Variants in MYO15A observed in about 807,000 individuals in gnomAD.
The protein encoded by MYO15A is myosin XVA.
A neutral mutation model predicts 394.6 loss-of-function variants in MYO15A; 308 were observed. That is an observed-to-expected ratio of 0.78 (90% CI 0.71 to 0.86). The LOEUF (loss-of-function observed/expected upper bound fraction) is 0.86. Ranked by LOEUF, MYO15A falls within the 40% of genes least tolerant of loss-of-function variation. The pLI is 0.00. For synonymous variants in MYO15A, 1,957 were observed against 2,003.8 expected (o/e 0.98, Z 0.62); for missense variants, 4,606 against 4,799.1 (o/e 0.96, Z 1.19).
intron 22 of MYO15A, 146 bp from the exon 23 acceptor site, chr17:18,141,507 C>A (rs2046379930): frequency 1.2e-6 from 1 of 823,730 alleles, no homozygotes; most frequent in African/African-American, 1.7e-5. Context: ...GATGGAGTGC[C>A]TTTTTTCAGA....
In MYO15A at chr17:18,141,660, TG is replaced by T; in HGVS notation, c.5540del (p.Cys1847PhefsTer2). The T allele has an allele frequency of 6.2e-7, 1 of 1,614,008 alleles. No homozygotes were observed. The highest frequency in any genetic ancestry group is 1.1e-5 in the South Asian group (1 of 91,090). ...PFQGFIDRYCCLVALKHDLPA... is the reference protein window; with the variant it reads ...PFQGFIDRYCXLVALKHDLPA... ...CTTTGGGCCCCCTACCAGGTACTGC[TG>T]TCTAGTGGCCCTCAAGCATGACCTG... On this transcript the variant is annotated frameshift_variant, in exon 23 of 66. Transcript: ENST00000647165. LOFTEE classifies it high-confidence loss of function.
At position 18,130,826 on chromosome 17, in the gene MYO15A, G is replaced by T; in HGVS notation, c.4038+16G>T. On this transcript the variant is annotated intron_variant, in intron 8 of 65. Transcript: ENST00000647165. ...GAAGATAAAGGTACTCAGTGTGTGT[G>T]TGTGTGTGTGTGTGTGTGTGTGTGT... The T allele has an allele frequency of 7.8e-7, 1 of 1,278,654 alleles. No homozygotes were observed. 79.2% of individuals were successfully genotyped at this position (1,278,654 alleles called of 1,614,324 possible). A position where few individuals can be genotyped will look rare whatever the true frequency, so the allele number is the denominator to read the frequency against.
rs1158121789 is a variant in MYO15A, at chr17:18,155,186, C to A, written c.8301C>A (p.Asp2767Glu). The A allele has an allele frequency of 6.2e-7, 1 of 1,613,998 alleles. No individual in the cohort carries two copies. Among genetic ancestry groups the A allele is most frequent in the Admixed American group, 1.7e-5 (1 of 60,030 alleles). The change falls in exon 46 of 66, where the codon GAC becomes GAA. Residue 2767 changes from aspartate (D) to glutamate (E), a missense_variant. Physicochemically the swap from Asp to Glu is conservative, Grantham distance 45 (BLOSUM62 2). Transcript: ENST00000647165. ...GGGCCGTGGTCAGCACTGCACGAGA[C>A]ACCTGGGAGGTCTACTTCTCCCGCA... ...VKRAVVSTAR[D>E]TWEVYFSRIF... is the part of the protein sequence containing the mutation.
intron 11 of MYO15A, among the ~76,000 whole-genome samples, 154 bp from the exon 12 acceptor site, chr17:18,133,071 C>T (rs939218052): frequency 6.6e-5 from 10 of 152,236 alleles, no homozygotes; most frequent in African/African-American, 2.4e-4. Flanking sequence ...ACTCCGTCCT[C>T]AGCCGTGCTC....
chr17:18,136,213 T>C (rs529513478), intron 13 of MYO15A, among the ~76,000 whole-genome samples: 1 of 152,248 alleles, frequency 6.6e-6, no homozygotes, highest in African/African-American at 2.4e-5. Flanking sequence ...GTCTCCCCCA[T>C]TAGACCTGCA....
At chr17:18,110,264 A>T (rs2045705549) in intron 1 of MYO15A, 1 of 152,160 alleles carries the variant, frequency 6.6e-6, no homozygotes, top group Admixed American at 6.5e-5. Flanking sequence ...CCATCACAGC[A>T]TGCTCCCAGC....
In MYO15A at chr17:18,157,863, C is replaced by G; in HGVS notation, c.8930C>G (p.Ser2977Cys). The change falls in exon 51 of 66, where the codon TCT becomes TGT. Residue 2977 changes from serine to cysteine, a missense_variant. Ser to Cys is a moderately radical substitution (Grantham distance 112). Transcript: ENST00000647165. The part of the protein sequence containing the change: ...RAAAVAAAVA[S>C]AAAAQEVGRR... Reference sequence around the variant, plus strand: ...GCCGCCGTGGCCGCTGCTGTGGCCTCTGCAGCCGCTGCACAGGAGGTGGGC... The same window carrying G: ...GCCGCCGTGGCCGCTGCTGTGGCCTGTGCAGCCGCTGCACAGGAGGTGGGC... The G allele has an allele frequency of 6.7e-7, 1 of 1,489,240 alleles. No individual in the cohort carries two copies. The highest frequency in any genetic ancestry group is 9.0e-7 in the Non-Finnish European group (1 of 1,114,880). The allele number at this position is 1,489,240 out of a possible 1,614,324, so 92.3% of individuals were successfully genotyped here. A position where few individuals can be genotyped will look rare whatever the true frequency, so the allele number is the denominator to read the frequency against.
intron 12 of MYO15A, among the ~76,000 whole-genome samples, chr17:18,134,494 GATCC>G (rs2046228747): frequency 2.0e-5 from 3 of 151,946 alleles, no homozygotes. Context: ...TTAAATCTTT[GATCC>G]ATCCAAATTT....
rs1398419596 is a variant in MYO15A at position 18,153,677 on chromosome 17, G to T, written c.7967-98G>T. The T allele has an allele frequency of 3.3e-6, 4 of 1,218,164 alleles. No individual in the cohort carries two copies. The highest frequency in any genetic ancestry group is 2.0e-5 in the South Asian group (1 of 49,230). 75.5% of individuals were successfully genotyped at this position (1,218,164 alleles called of 1,614,324 possible). A position where few individuals can be genotyped will look rare whatever the true frequency, so the allele number is the denominator to read the frequency against. On this transcript the variant is annotated intron_variant, in intron 42 of 65. Transcript: ENST00000647165. This position sits in a 1 kb window ranked among gnomAD's most constrained non-coding sequence, Gnocchi z 4.1. ...TGCGCCACTGCACTCTAGCCTGGGG[G>T]ACAACAGCGAAACTCCGTCTCAAAA...
intron 65 of MYO15A, among the ~76,000 whole-genome samples, chr17:18,175,001 C>A (rs1415017444): frequency 6.6e-6 from 1 of 152,080 alleles, no homozygotes; most frequent in African/African-American, 2.4e-5. Flanking sequence ...CCAATCTGCT[C>A]CTGCCTGGAG....
intron 7 of MYO15A, among the ~76,000 whole-genome samples, chr17:18,127,832 A>AAT (rs1240956412): frequency 9.9e-5 from 4 of 40,564 alleles, no homozygotes; most frequent in Admixed American, 3.3e-4. Flanking sequence ...AAGAAAAAAA[A>AAT]AGATATATAT....
In MYO15A at chr17:18,120,005, C is replaced by T; in HGVS notation, c.1205C>T (p.Pro402Leu). Reference protein sequence around the residue: ...IYPPEVPYFYPEESASAFVYP... With the variant: ...IYPPEVPYFYLEESASAFVYP... ...CCCCCCGAGGTGCCCTATTTTTACC[C>T]GGAGGAGTCGGCTTCGGCCTTTGTG... The change falls in exon 2 of 66, where the codon CCG (proline) becomes CTG (leucine). Residue 402 changes from proline to leucine, a missense_variant. Coordinates refer to ENST00000647165, the MANE Select transcript of MYO15A (RefSeq NM_016239.4). 10 of 1,613,688 alleles carry T rather than the reference C, an allele frequency of 6.2e-6. No individual in the cohort carries two copies. Among genetic ancestry groups the T allele is most frequent in the Non-Finnish European group, 8.5e-6 (10 of 1,180,018 alleles).
At chr17:18,126,204 A>G (rs761477855) in intron 4 of MYO15A, 143 bp from the exon 5 acceptor site, 5 of 715,140 alleles carry the variant, frequency 7.0e-6, no homozygotes, top group Non-Finnish European at 1.0e-5. Context: ...TAGCTGGTAG[A>G]GGGCTCTAGA....
rs367972718 is a variant in MYO15A, at chr17:18,140,605, C to T, written c.5300C>T (p.Ala1767Val). The change falls in exon 20 of 66, where the codon GCG becomes GTG. Residue 1767 changes from alanine to valine, a missense_variant. Transcript: ENST00000647165. ...AGCTCCGTCACTCGGCTCTACAAGG[C>T]GCACACTGTGGCCGCCAAGTTCCAG... ...KSSSVTRLYK[A>V]HTVAAKFQQS... 7.4e-6 allele frequency: 12 copies of T among 1,613,672 alleles called. No homozygotes were observed. The highest frequency in any genetic ancestry group is 5.0e-5 in the Admixed American group (3 of 60,012).
rs1314561297 is a variant in MYO15A, at chr17:18,120,568, A to G, written c.1768A>G (p.Arg590Gly). Residue 590 changes from arginine (R) to glycine (G), a missense_variant, in exon 2 of 66, where the codon AGG (arginine) becomes GGG (glycine). Around this residue, in one of 2 missense-constraint regions of MYO15A, gnomAD observed 1,830 missense variants for 1,689.7 expected, o/e 1.08. Transcript: ENST00000647165. Reference protein sequence around the residue: ...LSEKKPIARLRGSQKARAGGP... With the variant: ...LSEKKPIARLGGSQKARAGGP... ...GGAGAAGAAGCCCATCGCGCGGCTC[A>G]GGGGCAGCCAGAAGGCCCGGGCGGG... 4 of 1,599,036 alleles carry G rather than the reference A, an allele frequency of 2.5e-6. No individual in the cohort carries two copies. The highest frequency in any genetic ancestry group is 3.4e-6 in the Non-Finnish European group (4 of 1,175,010).
intron 6 of MYO15A, 77 bp downstream of exon 6, chr17:18,126,942 G>A: frequency 6.3e-7 from 1 of 1,599,736 alleles, no homozygotes; most frequent in South Asian, 1.1e-5. Context: ...GAACTGCTGT[G>A]GGACCTTGGA....
chr17:18,139,254 C>CT (rs2046335000), intron 18 of MYO15A: 1 of 605,014 alleles, frequency 1.7e-6, no homozygotes, highest in African/African-American at 1.9e-5. Flanking sequence ...CATTCCTGCC[C>CT]TGGAGGTGTC....
rs1451471195 is a variant in MYO15A, at chr17:18,161,369, A to G, written c.9439A>G (p.Ser3147Gly). The G allele has an allele frequency of 6.2e-7, 1 of 1,614,078 alleles. No homozygotes were observed. Among genetic ancestry groups the G allele is most frequent in the Non-Finnish European group, 8.5e-7 (1 of 1,179,994 alleles). Residue 3147 changes from serine (S) to glycine (G), a missense_variant, in exon 57 of 66, where the codon AGC (serine) becomes GGC (glycine). By Grantham distance (56) the Ser-to-Gly change is moderately conservative. Coordinates refer to ENST00000647165, the MANE Select transcript of MYO15A (RefSeq NM_016239.4). ...RLLYIVTAYH[S>G]CSEVLHPHLT... ...GCTGTATATCGTGACCGCCTACCACAGCTGCTCTGAGGTCCTCCACCCACA... is the reference window on the plus strand; with the variant it reads ...GCTGTATATCGTGACCGCCTACCACGGCTGCTCTGAGGTCCTCCACCCACA...
At chr17:18,151,670 G>C in intron 40 of MYO15A, 143 bp downstream of exon 40, 3 of 1,229,062 alleles carry the variant, frequency 2.4e-6, no homozygotes, top group Non-Finnish European at 2.3e-6. Context: ...GTCCAGATGA[G>C]GCCCTGCTGT....
Sources: allele counts gnomAD v4.1 joint callset (sites outside exome capture counted in the v4.1 genomes callset), GRCh38; gene constraint gnomAD v4.1.1; regional missense constraint gnomAD v4.1.1; non-coding constraint Gnocchi (gnomAD v3.1); transcripts MANE v1.5; gene names NCBI Gene and HGNC (gene_info 2026-07-23, HGNC 2026-07-21).